The following DFFB variants were observed in gnomAD, a reference collection of about 807,000 sequenced individuals.
DFFB encodes DNA fragmentation factor subunit beta.
In DFFB, 29 loss-of-function variants were observed where a neutral mutation model predicts 32.7. The ratio of observed to expected loss-of-function variants is 0.89; its 90% confidence interval spans 0.66 to 1.21. The LOEUF (loss-of-function observed/expected upper bound fraction) is 1.21. Among genes scored for constraint, DFFB ranks in the 50% most tolerant of loss-of-function variants. DFFB has a pLI of 0.00. For missense variants in DFFB, 398 were observed against 440.6 expected, an observed-to-expected ratio of 0.90 and a Z score of 0.87; for synonymous variants, 170 against 177.1, an observed-to-expected ratio of 0.96 and a Z score of 0.32.
chr1:3,857,816 G>T, intron 1 of DFFB, 99 bp downstream of exon 1: 7 of 879,086 alleles, frequency 8.0e-6, no homozygotes, highest in Non-Finnish European at 1.1e-5. Context: ...TGCAGGCGGC[G>T]CCCGGGGCGG....
chr1:3,873,209 G>A (rs1401598637), intron 6 of DFFB: 2 of 182,366 alleles, frequency 1.1e-5, no homozygotes, highest in African/African-American at 4.7e-5. Context: ...AGGCAGGAGT[G>A]TTTCACAGCC....
intron 6 of DFFB, among the ~76,000 whole-genome samples, chr1:3,883,004 C>T (rs1570951811): frequency 1.4e-5 from 2 of 140,260 alleles, no homozygotes; most frequent in Admixed American, 7.2e-5. Context: ...TGACACGAGT[C>T]TTTTTTTTTT....
chr1:3,864,358 G>T lies in DFFB; in HGVS notation c.242-1454G>T, dbSNP rs190861736. Among the ~76,000 whole-genome samples the T allele has an allele frequency of 1.9e-3, 284 of 152,314 alleles. 1 individual carries two copies. Among genetic ancestry groups the T allele is most frequent in the African/African-American group, 6.6e-3 (274 of 41,576 alleles). ...AATAAAGAAAAGAAACTGCCAAGTT[G>T]TGTGCTAGAGTGGCCGTCTTACCTT... On this transcript the variant is annotated intron_variant, in intron 2 of 6. Transcript: ENST00000378209.
intron 2 of DFFB, chr1:3,860,620 C>T (rs1644862748): frequency 4.2e-6 from 1 of 238,564 alleles, no homozygotes; most frequent in South Asian, 4.2e-5. Flanking sequence ...TCAAAGGCAA[C>T]ATCAGATACA....
In DFFB at chr1:3,873,477, A is replaced by ATTT. The variant is rs201543955; in HGVS notation, c.782+920_782+922dup. 8.6e-5 allele frequency among the ~76,000 whole-genome samples: 12 copies of ATTT among 138,808 alleles called. 1 individual carries two copies. The South Asian group carries it at 2.5e-3, about 29-fold the overall frequency. 91.1% of individuals were successfully genotyped at this position (138,808 alleles called of 152,430 possible). A position where few individuals can be genotyped will look rare whatever the true frequency, so the allele number is the denominator to read the frequency against. On this transcript the variant is annotated intron_variant, in intron 6 of 6. Transcript: ENST00000378209. The stretch of plus-strand genomic sequence containing the variant: ...CTCATCCGGGCATTTAGGATTTGGG[A>ATTT]TTTTTTTTTTTTTTTTTCTGAGATG...
intron 3 of DFFB, among the ~76,000 whole-genome samples, chr1:3,867,188 G>A (rs1042473096): frequency 6.6e-6 from 1 of 152,210 alleles, no homozygotes; most frequent in Non-Finnish European, 1.5e-5. Flanking sequence ...GAGCCACCAC[G>A]TTCAGCCAAT....
At chr1:3,882,243 T>TG (rs1645354770) in intron 6 of DFFB, among the ~76,000 whole-genome samples, 1 of 37,812 alleles carries the variant, frequency 2.6e-5, no homozygotes, top group South Asian at 7.9e-4. Flanking sequence ...TTTGTAGAGG[T>TG]GGGGTTTCAC....
Position 3,884,056 on chromosome 1 carries a change from G to A in DFFB, c.*315G>A, listed in dbSNP as rs769597896. On this transcript the variant is annotated 3_prime_UTR_variant, in exon 7 of 7. Coordinates refer to ENST00000378209, the MANE Select transcript of DFFB (RefSeq NM_004402.4). ...GTGCCACCACGCCCGGCTAATGTTT[G>A]TATTTTTAGTAGAGACGGGGTTTCA... is the stretch of plus-strand genomic sequence containing the variant. 3 of 324,744 alleles carry A rather than the reference G, an allele frequency of 9.2e-6. No homozygotes were observed. The South Asian group carries it at 9.3e-5, about 10-fold the overall frequency. The allele number at this position is 324,744 out of a possible 1,614,324, so 20.1% of individuals were successfully genotyped here.
In DFFB at chr1:3,883,781, C is replaced by T. The variant is rs758579260; in HGVS notation, c.*40C>T. The T allele has an allele frequency of 3.8e-6, 6 of 1,562,688 alleles. No homozygotes were observed. The highest frequency in any genetic ancestry group is 2.7e-5 in the African/African-American group (2 of 73,430). ...GTCCTGGTCTTTGTTTGAGGCCTGACGTGGGCATCATTTTAACAGGTGCCT... is the reference window on the plus strand; with the variant it reads ...GTCCTGGTCTTTGTTTGAGGCCTGATGTGGGCATCATTTTAACAGGTGCCT... On this transcript the variant is annotated 3_prime_UTR_variant, in exon 7 of 7. Transcript: ENST00000378209.
rs138344572 is a variant in DFFB at position 3,878,208 on chromosome 1, G to A, written c.783-5299G>A. Among the ~76,000 whole-genome samples the A allele has an allele frequency of 5.9e-3, 899 of 151,168 alleles. 15 individuals are homozygous for A. Among genetic ancestry groups the A allele is most frequent in the African/African-American group, 0.021 (873 of 41,096 alleles). On this transcript the variant is annotated intron_variant, in intron 6 of 6. Transcript: ENST00000378209. ...GCTGTGTCGCCCGGGCTGGAGTCCAGTGGCGCAATCTCCTCTGACTGCAAC... is the reference window on the plus strand; with the variant it reads ...GCTGTGTCGCCCGGGCTGGAGTCCAATGGCGCAATCTCCTCTGACTGCAAC...
At chr1:3,876,093 G>A (rs111503079) in intron 6 of DFFB, among the ~76,000 whole-genome samples, 4,234 of 152,246 alleles carry the variant, frequency 0.028, 172 homozygotes, top group African/African-American at 0.097. Context: ...CAAGTTTTCA[G>A]TGTTAATGTG....
At chr1:3,874,806 T>G (rs1170251616) in intron 6 of DFFB, among the ~76,000 whole-genome samples, 1 of 133,408 alleles carries the variant, frequency 7.5e-6, no homozygotes, top group Non-Finnish European at 1.6e-5. Flanking sequence ...TGGCCTCCCA[T>G]GCTGTGGTCT....
At chr1:3,868,515 G>A (rs989577889) in intron 4 of DFFB, among the ~76,000 whole-genome samples, 3 of 149,332 alleles carry the variant, frequency 2.0e-5, no homozygotes, top group African/African-American at 7.5e-5. Context: ...TCCCAAAGGT[G>A]GAGTCAGCTC....
intron 2 of DFFB, among the ~76,000 whole-genome samples, chr1:3,863,935 A>G (rs935447942): frequency 1.4e-4 from 22 of 152,142 alleles, no homozygotes; most frequent in African/African-American, 5.3e-4. Context: ...CTCTGGGAAT[A>G]TAATAAAACC....
intron 6 of DFFB, among the ~76,000 whole-genome samples, chr1:3,876,196 C>T (rs969192728): frequency 6.6e-6 from 1 of 152,196 alleles, no homozygotes; most frequent in Non-Finnish European, 1.5e-5. Context: ...TTTGCTGGAC[C>T]CCTTGCCACA....
chr1:3,882,126 T>A (rs1425739581), intron 6 of DFFB, among the ~76,000 whole-genome samples: 1 of 152,162 alleles, frequency 6.6e-6, no homozygotes, highest in Admixed American at 6.5e-5. Flanking sequence ...CTTGGCTCAC[T>A]GCAACCTCCG....
chr1:3,867,986 G>A lies in DFFB; in HGVS notation c.443G>A (p.Arg148Gln), dbSNP rs750391864. ...DPPWFEGLESRFQSKSGYLRY... is the reference protein window; with the variant it reads ...DPPWFEGLESQFQSKSGYLRY... ...GTTTTCCTTGCAGGCTTGGAGTCCCGATTTCAGAGCAAGTCTGGCTATCTG... is the reference window on the plus strand; with the variant it reads ...GTTTTCCTTGCAGGCTTGGAGTCCCAATTTCAGAGCAAGTCTGGCTATCTG... The change falls in exon 4 of 7, where the codon CGA becomes CAA. Residue 148 changes from arginine (R) to glutamine (Q), a missense_variant. Transcript: ENST00000378209. 1.2e-5 allele frequency: 19 copies of A among 1,614,000 alleles called. No homozygotes were observed. The highest frequency in any genetic ancestry group is 4.0e-5 in the African/African-American group (3 of 74,918).
chr1:3,869,340 C>T (rs34141819), intron 4 of DFFB, among the ~76,000 whole-genome samples: 15,884 of 152,280 alleles, frequency 0.1, 883 homozygotes, highest in East Asian at 0.22. Context: ...GGATTACAGA[C>T]GTGAGCCACC....
chr1:3,879,403 G>A (rs888347007), intron 6 of DFFB, among the ~76,000 whole-genome samples: 1 of 152,132 alleles, frequency 6.6e-6, no homozygotes, highest in Non-Finnish European at 1.5e-5. Context: ...TGTTCCCCAA[G>A]ATTCGTATGT....
Sources: allele counts gnomAD v4.1 joint callset (sites outside exome capture counted in the v4.1 genomes callset), GRCh38; gene constraint gnomAD v4.1.1; transcripts MANE v1.5; gene names NCBI Gene and HGNC (gene_info 2026-07-23, HGNC 2026-07-21).